MTNR1A: variants seen among roughly 807,000 people sequenced by gnomAD.
MTNR1A encodes the protein melatonin receptor 1A, also known as melatonin receptor type 1A.
Under a neutral mutation model 5.5 loss-of-function variants are expected in MTNR1A, and 7 were observed. The observed-to-expected ratio is 1.28, with a 90% confidence interval of 0.73 to 2.40. The LOEUF is 2.40. Among genes scored for constraint, MTNR1A ranks in the 30% most tolerant of loss-of-function variants. The probability of loss-of-function intolerance (pLI) is 0.00; values close to 1 mark genes in which losing one functional copy is unlikely to be tolerated. For missense variants in MTNR1A, 441 were observed against 464.4 expected, an observed-to-expected ratio of 0.95 and a Z score of 0.46; for synonymous variants, 196 against 202.7, an observed-to-expected ratio of 0.97 and a Z score of 0.28.
At chr4:186,545,462 G>A (rs982598513) in intron 1 of MTNR1A, among the ~76,000 whole-genome samples, 6 of 152,138 alleles carry the variant, frequency 3.9e-5, no homozygotes, top group East Asian at 1.9e-4. Flanking sequence ...ACATTCTCAC[G>A]GTGAGCACAG....
intron 1 of MTNR1A, among the ~76,000 whole-genome samples, chr4:186,544,772 C>T (rs912561911): frequency 6.6e-6 from 1 of 152,192 alleles, no homozygotes; most frequent in Non-Finnish European, 1.5e-5. Flanking sequence ...GGGCTCCAGG[C>T]GGCTTCTGCT....
chr4:186,550,973 A>T (rs1203377964), intron 1 of MTNR1A, among the ~76,000 whole-genome samples: 1 of 152,248 alleles, frequency 6.6e-6, no homozygotes, highest in African/African-American at 2.4e-5. Context: ...AAAAATCAAT[A>T]AAATGTCTCT....
rs896148873 is a variant in MTNR1A, at chr4:186,533,862, T to C, written c.880A>G (p.Ile294Val). 1.2e-6 allele frequency: 2 copies of C among 1,614,042 alleles called. No homozygotes were observed. The highest frequency in any genetic ancestry group is 1.7e-5 in the Admixed American group (1 of 59,994). Residue 294 changes from isoleucine (I) to valine (V), a missense_variant, in exon 2 of 2, where the codon ATA becomes GTA. Transcript: ENST00000307161. ...AYFNSCLNAIIYGLLNQNFRK... is the reference protein window; with the variant it reads ...AYFNSCLNAIVYGLLNQNFRK... ...AAATTTTGGTTCAGTAGCCCGTATATAATGGCATTGAGGCAGCTGTTGAAA... is the reference window on the plus strand; with the variant it reads ...AAATTTTGGTTCAGTAGCCCGTATACAATGGCATTGAGGCAGCTGTTGAAA...
intron 1 of MTNR1A, among the ~76,000 whole-genome samples, chr4:186,554,544 A>T (rs1291526936): frequency 1.3e-5 from 2 of 152,230 alleles, no homozygotes; most frequent in African/African-American, 4.8e-5. Context: ...ACTCAAGCAC[A>T]CAATTACCTG....
intron 1 of MTNR1A, 111 bp from the exon 2 acceptor site, chr4:186,534,668 G>C (rs1579243403): frequency 2.2e-6 from 3 of 1,338,266 alleles, no homozygotes; most frequent in Non-Finnish European, 3.1e-6. Context: ...TGACGTCACA[G>C]CGGCGGCCGC....
chr4:186,543,325 A>G (rs1030348733), intron 1 of MTNR1A, among the ~76,000 whole-genome samples: 1 of 152,202 alleles, frequency 6.6e-6, no homozygotes, highest in African/African-American at 2.4e-5. Context: ...ATTGAAGCCA[A>G]TGGGAAACCA....
At chr4:186,545,399 C>T (rs1431760302) in intron 1 of MTNR1A, among the ~76,000 whole-genome samples, 2 of 152,160 alleles carry the variant, frequency 1.3e-5, no homozygotes, top group East Asian at 3.9e-4. Flanking sequence ...CACATTCGCA[C>T]AGCCGTCTGT....
At chr4:186,544,136 T>C (rs1447442814) in intron 1 of MTNR1A, among the ~76,000 whole-genome samples, 2 of 152,158 alleles carry the variant, frequency 1.3e-5, no homozygotes, top group Non-Finnish European at 2.9e-5. Flanking sequence ...TTCTCCTGGC[T>C]CAGCCTCCTG....
chr4:186,533,664 A>G lies in MTNR1A; in HGVS notation c.*25T>C, dbSNP rs773790529. On this transcript the variant is annotated 3_prime_UTR_variant, in exon 2 of 2. Coordinates refer to ENST00000307161, the MANE Select transcript of MTNR1A (RefSeq NM_005958.4). Reference sequence around the variant, plus strand: ...GAGCGAGGCCTTGCGCAGCGTGTCCATCTCACCCGGAACGTGGTGCTTTTT... The same window carrying G: ...GAGCGAGGCCTTGCGCAGCGTGTCCGTCTCACCCGGAACGTGGTGCTTTTT... 4 of 1,613,204 alleles carry G rather than the reference A, an allele frequency of 2.5e-6. No homozygotes were observed. Among genetic ancestry groups the G allele is most frequent in the Non-Finnish European group, 3.4e-6 (4 of 1,180,040 alleles).
intron 1 of MTNR1A, among the ~76,000 whole-genome samples, chr4:186,542,555 G>T (rs1737049574): frequency 6.6e-6 from 1 of 152,112 alleles, no homozygotes; most frequent in African/African-American, 2.4e-5. Flanking sequence ...GCACCAGGCG[G>T]GTGAGCCTAG....
intron 1 of MTNR1A, among the ~76,000 whole-genome samples, chr4:186,545,774 C>G (rs547083907): frequency 2.6e-5 from 4 of 151,530 alleles, no homozygotes; most frequent in Admixed American, 2.0e-4. Flanking sequence ...TATTTACAAA[C>G]TTGGTTTGTA....
rs1197409506 is a variant in MTNR1A, at chr4:186,555,151, G to A, written c.184+31C>T. 2 of 1,575,112 alleles carry A rather than the reference G, an allele frequency of 1.3e-6. No homozygotes were observed. The highest frequency in any genetic ancestry group is 2.7e-5 in the African/African-American group (2 of 74,194). On this transcript the variant is annotated intron_variant, in intron 1 of 1. Coordinates refer to ENST00000307161, the MANE Select transcript of MTNR1A (RefSeq NM_005958.4). This position sits in a 1 kb window ranked among gnomAD's most constrained non-coding sequence, Gnocchi z 4.1. ...CGCGGAGAGGCGCTGCGTCCGGAGC[G>A]CTGGCCCAGGGGAGGCGGCGCGGGC...
intron 1 of MTNR1A, among the ~76,000 whole-genome samples, chr4:186,542,441 G>A: frequency 6.6e-6 from 1 of 152,154 alleles, no homozygotes; most frequent in Non-Finnish European, 1.5e-5. Context: ...ATGAAGTATA[G>A]CAATGGGGCC....
intron 1 of MTNR1A, among the ~76,000 whole-genome samples, 166 bp from the exon 2 acceptor site, chr4:186,534,723 T>C (rs1032860679): frequency 6.6e-6 from 1 of 152,098 alleles, no homozygotes; most frequent in African/African-American, 2.4e-5. Flanking sequence ...GCCAGTCCAC[T>C]GCCGCTCCTG....
chr4:186,538,119 A>C (rs1736915888), intron 1 of MTNR1A, among the ~76,000 whole-genome samples: 1 of 152,220 alleles, frequency 6.6e-6, no homozygotes. Context: ...ACACAGCAGC[A>C]CGACGTTGCT....
At chr4:186,537,395 T>C (rs116228349) in intron 1 of MTNR1A, among the ~76,000 whole-genome samples, 1 of 152,220 alleles carries the variant, frequency 6.6e-6, no homozygotes, top group Non-Finnish European at 1.5e-5. Flanking sequence ...CTCAAATCTA[T>C]GTAACTCCAG....
chr4:186,549,262 A>T (rs1210860492), intron 1 of MTNR1A, among the ~76,000 whole-genome samples: 1 of 152,146 alleles, frequency 6.6e-6, no homozygotes, highest in Non-Finnish European at 1.5e-5. Flanking sequence ...CAAAGAGGAA[A>T]TACTAATTAC....
intron 1 of MTNR1A, among the ~76,000 whole-genome samples, chr4:186,535,389 GA>G (rs397731233): frequency 2.6e-4 from 38 of 148,644 alleles, no homozygotes; most frequent in South Asian, 8.4e-4. Flanking sequence ...TTTAATTACA[GA>G]AAAAAAAAAC....
At position 186,533,707 on chromosome 4, in the gene MTNR1A, T is replaced by G; in HGVS notation, c.1035A>C (p.Val345=). 1 of 1,614,196 alleles carries G rather than the reference T, an allele frequency of 6.2e-7. No homozygotes were observed. Among genetic ancestry groups the G allele is most frequent in the Non-Finnish European group, 8.5e-7 (1 of 1,180,046 alleles). The change falls in exon 2 of 2, where the codon GTA becomes GTC. Residue 345 remains valine (V), a synonymous_variant. Transcript: ENST00000307161. ...PSPLMTNNNV[V]KVDSV is the part of the protein sequence containing the mutation. ...TGCTTTTTTAAACGGAGTCCACCTT[T>G]ACTACATTATTGTTGGTCATCAGTG...
Sources: allele counts gnomAD v4.1 joint callset (sites outside exome capture counted in the v4.1 genomes callset), GRCh38; gene constraint gnomAD v4.1.1; non-coding constraint Gnocchi (gnomAD v3.1); transcripts MANE v1.5; gene names NCBI Gene and HGNC (gene_info 2026-07-23, HGNC 2026-07-21).